CNBD1: variants seen among roughly 807,000 people sequenced by gnomAD.
The protein encoded by CNBD1 is cyclic nucleotide binding domain containing 1.
Under a neutral mutation model 54.4 loss-of-function variants are expected in CNBD1, and 71 were observed. The observed-to-expected ratio is 1.30, with a 90% confidence interval of 1.08 to 1.59. CNBD1 has a LOEUF of 1.59. Ranked by LOEUF, CNBD1 falls within the 40% of genes most tolerant of loss-of-function variation. The pLI is 0.00. For synonymous variants in CNBD1, 182 were observed against 170.7 expected, an observed-to-expected ratio of 1.07 and a Z score of -0.51; for missense variants, 659 against 518.0, an observed-to-expected ratio of 1.27 and a Z score of -2.64.
chr8:87,093,715 A>AT (rs1239184032), intron 4 of CNBD1, among the ~76,000 whole-genome samples: 3 of 152,032 alleles, frequency 2.0e-5, no homozygotes, highest in East Asian at 3.9e-4. Context: ...TCCAGTAATT[A>AT]TTTTTTTGTA....
At chr8:87,003,081 G>A (rs1204888323) in intron 4 of CNBD1, among the ~76,000 whole-genome samples, 2 of 152,058 alleles carry the variant, frequency 1.3e-5, no homozygotes, top group African/African-American at 4.8e-5. Flanking sequence ...TTTTCATTTT[G>A]GAAGAAGTCC....
intron 4 of CNBD1, among the ~76,000 whole-genome samples, chr8:86,990,576 C>A (rs1210642593): frequency 1.3e-5 from 2 of 152,094 alleles, no homozygotes; most frequent in African/African-American, 4.8e-5. Flanking sequence ...CAGTACCAGG[C>A]TGTTTTGGTT....
chr8:87,333,780 T>C (rs543589529), intron 8 of CNBD1, among the ~76,000 whole-genome samples: 2 of 152,322 alleles, frequency 1.3e-5, no homozygotes, highest in Non-Finnish European at 2.9e-5. Flanking sequence ...AGCATTTTAT[T>C]GAGGATTTTC....
intron 4 of CNBD1, among the ~76,000 whole-genome samples, chr8:87,050,560 A>C (rs1032670066): frequency 2.0e-5 from 3 of 152,222 alleles, no homozygotes; most frequent in African/African-American, 7.2e-5. Flanking sequence ...TGTCCAGGTT[A>C]GTTGGGCAGT....
intron 2 of CNBD1, among the ~76,000 whole-genome samples, chr8:87,418,814 G>A (rs879528462): frequency 2.1e-4 from 32 of 151,874 alleles, no homozygotes; most frequent in Non-Finnish European, 4.1e-4. Flanking sequence ...TAAAAGTTGT[G>A]CATATGTGAA....
intron 8 of CNBD1, among the ~76,000 whole-genome samples, chr8:87,293,547 A>C (rs186238158): frequency 2.9e-4 from 44 of 152,320 alleles, no homozygotes; most frequent in African/African-American, 9.4e-4. Flanking sequence ...CATCTCAAAA[A>C]ACAAAATAAA....
At chr8:87,367,654 G>A (rs1469913052) in intron 10 of CNBD1, among the ~76,000 whole-genome samples, 1 of 152,092 alleles carries the variant, frequency 6.6e-6, no homozygotes, top group African/African-American at 2.4e-5. Context: ...TACTTTATAT[G>A]TTTTATCTAA....
At chr8:87,005,890 G>T (rs954972779) in intron 4 of CNBD1, among the ~76,000 whole-genome samples, 3 of 152,058 alleles carry the variant, frequency 2.0e-5, no homozygotes, top group Non-Finnish European at 4.4e-5. Flanking sequence ...TAATTCAAAG[G>T]GATCACTCCC....
At chr8:87,059,647 AACTC>A (rs1187361065) in intron 4 of CNBD1, among the ~76,000 whole-genome samples, 1 of 152,202 alleles carries the variant, frequency 6.6e-6, no homozygotes, top group Admixed American at 6.5e-5. Flanking sequence ...ATCTTGTGAG[AACTC>A]ACTCACTATC....
At chr8:87,034,719 T>C (rs935636379) in intron 4 of CNBD1, among the ~76,000 whole-genome samples, 1 of 152,196 alleles carries the variant, frequency 6.6e-6, no homozygotes, top group South Asian at 2.1e-4. Context: ...TTAAATTTTT[T>C]TATGTTCCTA....
intron 8 of CNBD1, among the ~76,000 whole-genome samples, chr8:87,330,458 G>C (rs1809801236): frequency 6.6e-6 from 1 of 151,606 alleles, no homozygotes; most frequent in Non-Finnish European, 1.5e-5. Context: ...GGATTTTGCT[G>C]CATCTTATAC....
At chr8:86,953,254 T>G (rs568343705) in intron 4 of CNBD1, among the ~76,000 whole-genome samples, 1 of 152,190 alleles carries the variant, frequency 6.6e-6, no homozygotes, top group Non-Finnish European at 1.5e-5. Context: ...AACTTAATAA[T>G]TGGGTAGGAA....
chr8:87,007,376 AT>A (rs920707293), intron 4 of CNBD1, among the ~76,000 whole-genome samples: 27 of 151,788 alleles, frequency 1.8e-4, no homozygotes, highest in Admixed American at 1.1e-3. Flanking sequence ...TCTTATTTTT[AT>A]TTTTTTTAAC....
intron 4 of CNBD1, among the ~76,000 whole-genome samples, chr8:87,069,865 A>G (rs1484783077): frequency 1.3e-5 from 2 of 152,066 alleles, no homozygotes; most frequent in Non-Finnish European, 2.9e-5. Context: ...AAATGTTCCA[A>G]ATACCTTTGT....
chr8:87,241,377 TCTC>T (rs1807701919), intron 6 of CNBD1, among the ~76,000 whole-genome samples: 1 of 150,078 alleles, frequency 6.7e-6, no homozygotes, highest in Non-Finnish European at 1.5e-5. Context: ...TTCACGTCAT[TCTC>T]CTGCTTCAGC....
rs551114513 is a variant in CNBD1 at position 87,217,928 on chromosome 8, A to G, written c.577+11790A>G. 9.2e-5 allele frequency among the ~76,000 whole-genome samples: 14 copies of G among 152,234 alleles called. No homozygotes were observed. The South Asian group carries it at 2.3e-3, about 25-fold the overall frequency. On this transcript the variant is annotated intron_variant, in intron 5 of 10. Transcript: ENST00000518476. ...CCTTTCTGAGATTTTTGTTTGTTTT[A>G]GTAGAAGGGCGTTTCATAGCAAATT...
intron 4 of CNBD1, among the ~76,000 whole-genome samples, chr8:87,173,491 C>T (rs940005059): frequency 7.9e-5 from 12 of 152,078 alleles, no homozygotes; most frequent in African/African-American, 2.9e-4. Flanking sequence ...AATCCCTCAG[C>T]TTTTGTTTGC....
chr8:86,978,124 T>C (rs553248995), intron 4 of CNBD1, among the ~76,000 whole-genome samples: 7 of 152,316 alleles, frequency 4.6e-5, no homozygotes, highest in Admixed American at 4.6e-4. Context: ...TGTATCACTC[T>C]CCTTATTTTC....
intron 4 of CNBD1, among the ~76,000 whole-genome samples, chr8:87,153,568 A>G (rs1812650587): frequency 6.6e-6 from 1 of 152,216 alleles, no homozygotes; most frequent in Non-Finnish European, 1.5e-5. Context: ...AAAAGTGGAC[A>G]TGTAATGGGA....
Sources: allele counts gnomAD v4.1 joint callset (sites outside exome capture counted in the v4.1 genomes callset), GRCh38; gene constraint gnomAD v4.1.1; transcripts MANE v1.5; gene names NCBI Gene and HGNC (gene_info 2026-07-23, HGNC 2026-07-21).